Variants in ERBB4 observed in about 807,000 individuals in gnomAD.
The protein encoded by ERBB4 is erb-b2 receptor tyrosine kinase 4, also known as receptor tyrosine-protein kinase erbB-4.
ERBB4 carries 42 observed loss-of-function variants against 158.0 expected under a neutral mutation model. The ratio of observed to expected loss-of-function variants is 0.27; its 90% CI spans 0.21 to 0.34. ERBB4 has a LOEUF of 0.34. Among genes scored for constraint, ERBB4 ranks in the 10% least tolerant of loss-of-function variants. ERBB4 has a pLI of 1.00. For missense variants in ERBB4, 1,333 were observed against 1,624.1 expected, an observed-to-expected ratio of 0.82 and a Z score of 3.08; for synonymous variants, 583 against 558.7, an observed-to-expected ratio of 1.04 and a Z score of -0.61.
intron 2 of ERBB4, among the ~76,000 whole-genome samples, chr2:212,109,996 C>T (rs1404329133): frequency 3.9e-5 from 6 of 152,148 alleles, no homozygotes; most frequent in Admixed American, 6.5e-5. Flanking sequence ...TGATACATGA[C>T]CTCAAGCAAG....
intron 5 of ERBB4, among the ~76,000 whole-genome samples, chr2:211,741,334 G>A (rs1479358769): frequency 6.6e-6 from 1 of 151,922 alleles, no homozygotes; most frequent in Non-Finnish European, 1.5e-5. Context: ...TCCTTCAAAT[G>A]TGGAGTATTC....
chr2:211,644,734 ATC>A (rs1274180997), intron 16 of ERBB4, among the ~76,000 whole-genome samples: 1 of 151,956 alleles, frequency 6.6e-6, no homozygotes, highest in African/African-American at 2.4e-5. Flanking sequence ...ATCTTTTAAA[ATC>A]TCTTTGTTTT....
chr2:211,994,150 A>G (rs1039330017), intron 2 of ERBB4, among the ~76,000 whole-genome samples: 2 of 152,098 alleles, frequency 1.3e-5, no homozygotes, highest in Admixed American at 1.3e-4. Flanking sequence ...TGTCTATCAC[A>G]AGCAGGTTCT....
intron 5 of ERBB4, among the ~76,000 whole-genome samples, chr2:211,743,898 G>A (rs1465163713): frequency 6.6e-6 from 1 of 152,138 alleles, no homozygotes; most frequent in Non-Finnish European, 1.5e-5. Flanking sequence ...TTGCAACTCT[G>A]TGAGAAATTT....
intron 20 of ERBB4, among the ~76,000 whole-genome samples, chr2:211,457,033 C>T (rs2064400283): frequency 6.6e-6 from 1 of 152,164 alleles, no homozygotes. Flanking sequence ...TATAAATATA[C>T]AAATTATCCC....
chr2:212,291,212 G>A (rs2086194389), intron 1 of ERBB4, among the ~76,000 whole-genome samples: 1 of 152,046 alleles, frequency 6.6e-6, no homozygotes, highest in Non-Finnish European at 1.5e-5. Context: ...CCCATGACAA[G>A]TTTAAGGCAA....
At chr2:212,416,487 A>C (rs2091655976) in intron 1 of ERBB4, among the ~76,000 whole-genome samples, 1 of 152,136 alleles carries the variant, frequency 6.6e-6, no homozygotes, top group Non-Finnish European at 1.5e-5. Flanking sequence ...ATATTAAAAA[A>C]ATAGAATAAA....
chr2:212,518,792 G>A (rs1052656972), intron 1 of ERBB4, among the ~76,000 whole-genome samples: 3 of 152,008 alleles, frequency 2.0e-5, no homozygotes, highest in Admixed American at 2.0e-4. Flanking sequence ...TGCTAACACA[G>A]TATCTCCATC....
At chr2:212,031,017 G>A (rs370519593) in intron 2 of ERBB4, among the ~76,000 whole-genome samples, 2 of 151,900 alleles carry the variant, frequency 1.3e-5, no homozygotes, top group Admixed American at 6.6e-5. Flanking sequence ...TCCAACATCC[G>A]TCTTCTGCCT....
chr2:211,472,829 T>A lies in ERBB4; in HGVS notation c.2488-41729A>T, dbSNP rs193210563. On this transcript the variant is annotated intron_variant, in intron 20 of 27. Coordinates refer to ENST00000342788, the MANE Select transcript of ERBB4 (RefSeq NM_005235.3). ...GGAAATTAAAGCACAGATTGCTGAGTCCCAGCCTCAGAGCTCCTGGTTCAG... is the reference window on the plus strand; with the variant it reads ...GGAAATTAAAGCACAGATTGCTGAGACCCAGCCTCAGAGCTCCTGGTTCAG... Among the ~76,000 whole-genome samples, 381 of 151,972 alleles carry A rather than the reference T, an allele frequency of 2.5e-3. 2 individuals are homozygous for A. Among genetic ancestry groups the A allele is most frequent in the African/African-American group, 8.5e-3 (354 of 41,494 alleles).
At chr2:212,385,872 C>T (rs909484835) in intron 1 of ERBB4, among the ~76,000 whole-genome samples, 4 of 151,888 alleles carry the variant, frequency 2.6e-5, no homozygotes, top group Non-Finnish European at 5.9e-5. Flanking sequence ...TCCAAAATTT[C>T]ACAGTCTTAC....
chr2:212,212,492 A>T (rs2082967246), intron 1 of ERBB4, among the ~76,000 whole-genome samples: 1 of 152,060 alleles, frequency 6.6e-6, no homozygotes, highest in Non-Finnish European at 1.5e-5. Context: ...TACTGTCCGA[A>T]GTAATTTATA....
At chr2:212,466,963 A>T (rs1334277456) in intron 1 of ERBB4, among the ~76,000 whole-genome samples, 1 of 152,048 alleles carries the variant, frequency 6.6e-6, no homozygotes, top group African/African-American at 2.4e-5. Flanking sequence ...AACTGTAGCA[A>T]AGGTGACTCT....
At chr2:211,975,870 T>G (rs1039716007) in intron 2 of ERBB4, among the ~76,000 whole-genome samples, 5 of 152,140 alleles carry the variant, frequency 3.3e-5, no homozygotes, top group Non-Finnish European at 7.4e-5. Context: ...ACCAAAACAT[T>G]CCCTCAAGAA....
At chr2:211,597,038 A>T (rs12465773) in intron 19 of ERBB4, among the ~76,000 whole-genome samples, 119,244 of 152,056 alleles carry the variant, frequency 0.78, 49,040 homozygotes, top group Non-Finnish European at 0.9. Flanking sequence ...AGTGCTGGGA[A>T]TACAAGCATG....
At chr2:212,102,383 G>A (rs2125520321) in intron 2 of ERBB4, among the ~76,000 whole-genome samples, 1 of 151,918 alleles carries the variant, frequency 6.6e-6, no homozygotes, top group Non-Finnish European at 1.5e-5. Flanking sequence ...ACCATAACGT[G>A]TTGATATCTT....
At chr2:211,994,541 T>C (rs1381255038) in intron 2 of ERBB4, among the ~76,000 whole-genome samples, 2 of 152,256 alleles carry the variant, frequency 1.3e-5, no homozygotes, top group Non-Finnish European at 2.9e-5. Context: ...GTTTGATTTT[T>C]TATATTTACC....
At chr2:212,134,584 A>G (rs1256823326) in intron 1 of ERBB4, among the ~76,000 whole-genome samples, 1 of 150,864 alleles carries the variant, frequency 6.6e-6, no homozygotes, top group Admixed American at 6.6e-5. Context: ...AAAAAATCCT[A>G]TTATGTATTA....
intron 4 of ERBB4, chr2:211,778,362 A>G (rs1476944054): frequency 6.6e-6 from 1 of 152,098 alleles, no homozygotes; most frequent in Non-Finnish European, 1.5e-5. Context: ...GCACTACCTT[A>G]AGCCTCCTAA....
Sources: gnomAD v4.1 joint callset for allele counts (sites outside exome capture counted in the v4.1 genomes callset) on GRCh38, gnomAD v4.1.1 for gene constraint, MANE v1.5 for transcripts, NCBI Gene and HGNC (gene_info 2026-07-23, HGNC 2026-07-21) for gene names.